The following JCAD variants were observed in gnomAD, a reference collection of about 807,000 sequenced individuals.
JCAD encodes junctional cadherin 5-associated protein.
In JCAD, 40 loss-of-function variants were observed where a neutral mutation model predicts 98.0. That is an observed-to-expected ratio of 0.41 (90% CI 0.32 to 0.53). The LOEUF (loss-of-function observed/expected upper bound fraction) is 0.53, where lower values mean the gene tolerates loss of function less well. JCAD is among the 20% of genes least tolerant of loss of function. The probability of loss-of-function intolerance (pLI) is 0.31; values close to 1 mark genes in which losing one functional copy is unlikely to be tolerated. For synonymous variants in JCAD, 691 were observed against 682.3 expected (o/e 1.01, Z -0.20); for missense variants, 1,705 against 1,738.1 (o/e 0.98, Z 0.34).
intron 1 of JCAD, among the ~76,000 whole-genome samples, chr10:30,113,548 C>CAGA: frequency 6.3e-5 from 1 of 15,964 alleles, no homozygotes; most frequent in Non-Finnish European, 1.2e-4. Flanking sequence ...GAGACACTGT[C>CAGA]AAAAAAAAAA....
chr10:30,098,297 G>C (rs1488593107), intron 1 of JCAD, among the ~76,000 whole-genome samples: 1 of 152,026 alleles, frequency 6.6e-6, no homozygotes, highest in South Asian at 2.1e-4. Context: ...CTTCTATCTA[G>C]AAGGTTTCTT....
chr10:30,064,862 G>A (rs987583191), intron 2 of JCAD, among the ~76,000 whole-genome samples: 4 of 152,154 alleles, frequency 2.6e-5, no homozygotes, highest in African/African-American at 9.7e-5. Flanking sequence ...AGTAAAGACG[G>A]GGTTTCACCA....
intron 1 of JCAD, among the ~76,000 whole-genome samples, chr10:30,073,422 A>G (rs1237676806): frequency 3.3e-5 from 5 of 152,220 alleles, no homozygotes; most frequent in Non-Finnish European, 7.3e-5. Flanking sequence ...TGAATGAGAG[A>G]AATGCAAAGC....
intron 3 of JCAD, among the ~76,000 whole-genome samples, chr10:30,022,199 C>T (rs1836673615): frequency 1.3e-5 from 2 of 152,176 alleles, no homozygotes; most frequent in African/African-American, 4.8e-5. Context: ...GCTGAAACGA[C>T]CAACTTTAAT....
upstream of JCAD, among the ~76,000 whole-genome samples, chr10:30,061,466 C>T (rs919091657): frequency 5.3e-5 from 8 of 150,926 alleles, no homozygotes; most frequent in Non-Finnish European, 8.8e-5. Flanking sequence ...CACATGAACC[C>T]GGGAGGTGGA....
intron 1 of JCAD, among the ~76,000 whole-genome samples, chr10:30,050,798 A>T (rs1226676532): frequency 6.6e-6 from 1 of 152,222 alleles, no homozygotes; most frequent in Non-Finnish European, 1.5e-5. Context: ...ACCAACTCCA[A>T]GGAAAAACCT....
intron 2 of JCAD, among the ~76,000 whole-genome samples, chr10:30,038,693 A>AT (rs1285499687): frequency 6.8e-5 from 10 of 146,294 alleles, no homozygotes; most frequent in Non-Finnish European, 7.4e-5. Flanking sequence ...CAAAATAAAA[A>AT]AAAAAAAAAA....
At chr10:30,064,671 T>TC (rs1052687945) in intron 2 of JCAD, among the ~76,000 whole-genome samples, 2 of 149,748 alleles carry the variant, frequency 1.3e-5, no homozygotes, top group African/African-American at 5.1e-5. Context: ...CCACGTTCTC[T>TC]CTTTTTTTTT....
At chr10:30,067,933 A>G (rs571914266) in intron 2 of JCAD, among the ~76,000 whole-genome samples, 4 of 152,304 alleles carry the variant, frequency 2.6e-5, no homozygotes, top group African/African-American at 4.8e-5. Context: ...ACTCTACTCA[A>G]TCCTGCAGGC....
At position 30,019,989 on chromosome 10, in the gene JCAD, T is replaced by C. The variant is rs369422859; in HGVS notation, c.4046-2072A>G. Among the ~76,000 whole-genome samples, 71 of 133,970 alleles carry C rather than the reference T, an allele frequency of 5.3e-4. No individual in the cohort carries two copies. The East Asian group carries it at 0.015, about 28-fold the overall frequency. 87.9% of individuals were successfully genotyped at this position (133,970 alleles called of 152,430 possible). On this transcript the variant is annotated intron_variant, in intron 3 of 3. Transcript: ENST00000375377. ...GCATGGTCAAAAAAGGTGATTCACTTAAAAAAAAAAAAAAAGGAAATCTGG... is the reference window on the plus strand; with the variant it reads ...GCATGGTCAAAAAAGGTGATTCACTCAAAAAAAAAAAAAAAGGAAATCTGG...
At chr10:30,103,793 G>T (rs113921730) in intron 1 of JCAD, among the ~76,000 whole-genome samples, 1 of 146,456 alleles carries the variant, frequency 6.8e-6, no homozygotes. Flanking sequence ...GTGCAATGAC[G>T]CAATCTTGGC....
intron 1 of JCAD, among the ~76,000 whole-genome samples, chr10:30,104,575 C>T (rs985487490): frequency 1.3e-5 from 2 of 152,110 alleles, no homozygotes; most frequent in East Asian, 1.9e-4. Flanking sequence ...ACCACTAGAG[C>T]GTCCAGGGAG....
chr10:30,092,046 AAAAAAAAAAAAAAAAAAAAT>A (rs1180333168), intron 1 of JCAD, among the ~76,000 whole-genome samples: 4 of 38,634 alleles, frequency 1.0e-4, no homozygotes, highest in African/African-American at 7.8e-4. Flanking sequence ...AAAAAAAAAA[AAAAAAAAAAAAAAAAAAAAT>A]ATATATATAT....
intron 2 of JCAD, among the ~76,000 whole-genome samples, chr10:30,069,077 A>G (rs192894563): frequency 2.1e-4 from 32 of 152,322 alleles, no homozygotes; most frequent in African/African-American, 7.7e-4. Context: ...TCACCTTTAT[A>G]AATTATGACC....
At chr10:30,064,776 G>GT (rs2132664388) in intron 2 of JCAD, among the ~76,000 whole-genome samples, 1 of 152,008 alleles carries the variant, frequency 6.6e-6, no homozygotes, top group South Asian at 2.1e-4. Flanking sequence ...GGTTCAAGCA[G>GT]TTCTCCTGCC....
intron 3 of JCAD, among the ~76,000 whole-genome samples, chr10:30,019,797 T>A (rs1437931007): frequency 6.6e-6 from 1 of 152,074 alleles, no homozygotes; most frequent in Non-Finnish European, 1.5e-5. Flanking sequence ...AACTGGTAAC[T>A]ATGAGAGAAG....
rs1033237902 is a variant in JCAD, at chr10:30,014,959, C to A, written c.*2924G>T. 1 of 152,182 alleles carries A rather than the reference C, an allele frequency of 6.6e-6. No individual in the cohort carries two copies. The highest frequency in any genetic ancestry group is 2.4e-5 in the African/African-American group (1 of 41,446). The allele number at this position is 152,182 out of a possible 1,614,324, so 9.4% of individuals were successfully genotyped here. A position where few individuals can be genotyped will look rare whatever the true frequency, so the allele number is the denominator to read the frequency against. Reference sequence around the variant, plus strand: ...GCACATGGACATAATCCTGAAAACCCAGTCAGGGGCTGGGTGCACTGTCAG... The same window carrying A: ...GCACATGGACATAATCCTGAAAACCAAGTCAGGGGCTGGGTGCACTGTCAG... On this transcript the variant is annotated 3_prime_UTR_variant, in exon 4 of 4. Transcript: ENST00000375377.
chr10:30,041,305 T>G (rs1367340890), intron 2 of JCAD, among the ~76,000 whole-genome samples: 1 of 152,116 alleles, frequency 6.6e-6, no homozygotes, highest in African/African-American at 2.4e-5. Flanking sequence ...AGGCTTTGCC[T>G]CGTAACAAGG....
intron 2 of JCAD, among the ~76,000 whole-genome samples, chr10:30,066,650 G>T (rs1204770799): frequency 6.6e-6 from 1 of 152,166 alleles, no homozygotes; most frequent in Non-Finnish European, 1.5e-5. Flanking sequence ...CCCTTGGGCT[G>T]CCTCTCCCAC....
Sources: gnomAD v4.1 joint callset for allele counts (sites outside exome capture counted in the v4.1 genomes callset) on GRCh38, gnomAD v4.1.1 for gene constraint, MANE v1.5 for transcripts, NCBI Gene and HGNC (gene_info 2026-07-23, HGNC 2026-07-21) for gene names.